The following NMNAT1 variants were observed in gnomAD, a reference collection of about 807,000 sequenced individuals.
The protein encoded by NMNAT1 is nicotinamide/nicotinic acid mononucleotide adenylyltransferase 1.
A neutral mutation model predicts 16.7 loss-of-function variants in NMNAT1; 11 were observed. The ratio of observed to expected loss-of-function variants is 0.66; its 90% CI spans 0.41 to 1.09. The LOEUF is 1.09. Ranked by LOEUF, NMNAT1 falls within the 50% of genes least tolerant of loss-of-function variation. NMNAT1 has a pLI of 0.00. For missense variants in NMNAT1, 280 were observed against 332.3 expected, an observed-to-expected ratio of 0.84 and a Z score of 1.22; for synonymous variants, 110 against 119.8, an observed-to-expected ratio of 0.92 and a Z score of 0.53.
intron 1 of NMNAT1, among the ~76,000 whole-genome samples, chr1:9,969,453 G>T (rs954930827): frequency 6.6e-6 from 1 of 152,132 alleles, no homozygotes; most frequent in Admixed American, 6.6e-5. Context: ...CAGAAAAAAT[G>T]ATTAGATGCT....
intron 1 of NMNAT1, among the ~76,000 whole-genome samples, chr1:9,963,004 A>C (rs1192456816): frequency 6.7e-6 from 1 of 150,034 alleles, no homozygotes; most frequent in African/African-American, 2.4e-5. Flanking sequence ...TTTAACACCC[A>C]TGTCATATTA....
chr1:9,971,412 C>T (rs1464860948), intron 1 of NMNAT1, among the ~76,000 whole-genome samples: 2 of 152,042 alleles, frequency 1.3e-5, no homozygotes, highest in African/African-American at 2.4e-5. Flanking sequence ...CTCCTGGGTT[C>T]AAGTGATTCT....
At chr1:9,957,971 G>A (rs1641305134) in intron 1 of NMNAT1, among the ~76,000 whole-genome samples, 1 of 152,182 alleles carries the variant, frequency 6.6e-6, no homozygotes, top group African/African-American at 2.4e-5. Context: ...GAATCTGTAA[G>A]TTGAGACATT....
intron 1 of NMNAT1, among the ~76,000 whole-genome samples, chr1:9,960,949 G>A (rs1320135886): frequency 6.6e-6 from 1 of 152,176 alleles, no homozygotes; most frequent in Non-Finnish European, 1.5e-5. Flanking sequence ...CTTCAGGAAA[G>A]GGACAGACCC....
In NMNAT1 at chr1:9,972,024, A is replaced by G. The variant is rs1267241700; in HGVS notation, c.-50A>G. The G allele has an allele frequency of 1.1e-6, 1 of 926,280 alleles. No homozygotes were observed. The highest frequency in any genetic ancestry group is 1.8e-5 in the Admixed American group (1 of 56,656). The allele number at this position is 926,280 out of a possible 1,614,324, so 57.4% of individuals were successfully genotyped here. ...TTTTCTTTTTCCTTTGTAGACAACA[A>G]GGGAGGTGTCACAGTTTTCCATTTA... On this transcript the variant is annotated 5_prime_UTR_variant, in exon 2 of 5. Transcript: ENST00000377205.
chr1:9,996,627 G>A, the NMNAT1 span, among the ~76,000 whole-genome samples: 1 of 152,138 alleles, frequency 6.6e-6, no homozygotes, highest in Non-Finnish European at 1.5e-5. Flanking sequence ...TAGGAGATGG[G>A]GAGGTTTGTG....
chr1:9,968,991 A>G (rs1641628437), intron 1 of NMNAT1, among the ~76,000 whole-genome samples: 1 of 151,978 alleles, frequency 6.6e-6, no homozygotes, highest in Admixed American at 6.6e-5. Context: ...AGGAAGGTTA[A>G]GTTAGGGTTA....
Position 9,976,173 on chromosome 1 carries a change from G to C in NMNAT1, c.299+398G>C, listed in dbSNP as rs921266443. The stretch of plus-strand genomic sequence containing the variant: ...ATGGTGGCGCATGCCTGTAATCCCA[G>C]CTACTTGGGAGGCTGAGGCAGGAGA... On this transcript the variant is annotated intron_variant, in intron 3 of 4. Coordinates refer to ENST00000377205, the MANE Select transcript of NMNAT1 (RefSeq NM_022787.4). Among the ~76,000 whole-genome samples the C allele has an allele frequency of 2.0e-5, 3 of 151,840 alleles. No individual in the cohort carries two copies. In the East Asian group the frequency reaches 5.8e-4, roughly 29 times the overall value.
At chr1:9,952,797 C>T (rs571546522) in intron 1 of NMNAT1, among the ~76,000 whole-genome samples, 1 of 152,216 alleles carries the variant, frequency 6.6e-6, no homozygotes, top group Non-Finnish European at 1.5e-5. Flanking sequence ...CCTTGGCCTC[C>T]CAAAGTGCTG....
At chr1:9,946,497 C>G (rs750928313) in intron 1 of NMNAT1, among the ~76,000 whole-genome samples, 2 of 152,150 alleles carry the variant, frequency 1.3e-5, no homozygotes, top group Non-Finnish European at 2.9e-5. Context: ...GTTGCTCCAA[C>G]TAGGTAGGGA....
chr1:9,976,132 C>A (rs1240256054), intron 3 of NMNAT1, among the ~76,000 whole-genome samples: 1 of 151,838 alleles, frequency 6.6e-6, no homozygotes, highest in Admixed American at 6.6e-5. Context: ...ACTAAAAATA[C>A]AAAAATTAGC....
chr1:9,971,639 T>G (rs1322676893), intron 1 of NMNAT1, among the ~76,000 whole-genome samples: 1 of 151,836 alleles, frequency 6.6e-6, no homozygotes, highest in African/African-American at 2.4e-5. Context: ...ATCCATCTAT[T>G]GGGAATGAGA....
chr1:9,988,128 G>T (rs1642067551), downstream of NMNAT1, among the ~76,000 whole-genome samples: 1 of 151,922 alleles, frequency 6.6e-6, no homozygotes, highest in Non-Finnish European at 1.5e-5. Context: ...TTCCCGAGTA[G>T]CTGGGATTAT....
chr1:9,984,905 A>C lies in NMNAT1; in HGVS notation c.*2204A>C, dbSNP rs1317769705. On this transcript the variant is annotated 3_prime_UTR_variant, in exon 5 of 5. Transcript: ENST00000377205. ...GAGCCATGGGGATGGTTTAGGTTAA[A>C]GAATGCTTTTTTTTGGCCATCATGA... 2 of 152,128 alleles carry C rather than the reference A, an allele frequency of 1.3e-5. No individual in the cohort carries two copies. Among genetic ancestry groups the C allele is most frequent in the Non-Finnish European group, 2.9e-5 (2 of 68,038 alleles). The allele number at this position is 152,128 out of a possible 1,614,324, so 9.4% of individuals were successfully genotyped here.
intron 1 of NMNAT1, chr1:9,947,499 CG>C (rs1641006882): frequency 6.6e-6 from 1 of 152,270 alleles, no homozygotes; most frequent in Non-Finnish European, 1.5e-5. Context: ...GACTAATCTT[CG>C]GTCAAGGGTA....
At chr1:9,976,993 G>C (rs1395724612) in intron 3 of NMNAT1, among the ~76,000 whole-genome samples, 1 of 151,018 alleles carries the variant, frequency 6.6e-6, no homozygotes, top group Admixed American at 6.6e-5. Context: ...TGCAACCTCT[G>C]CCTCCCGGGT....
At chr1:9,978,686 T>C (rs1192227881) in intron 3 of NMNAT1, among the ~76,000 whole-genome samples, 2 of 152,198 alleles carry the variant, frequency 1.3e-5, no homozygotes, top group Non-Finnish European at 2.9e-5. Context: ...AGTAACCTTA[T>C]TGCCCATTAA....
chr1:9,990,643 T>A, the NMNAT1 span, among the ~76,000 whole-genome samples: 1 of 152,150 alleles, frequency 6.6e-6, no homozygotes, highest in South Asian at 2.1e-4. Context: ...ATGGATGGTG[T>A]GGAGTCCACC....
chr1:9,949,256 G>A, intron 1 of NMNAT1, among the ~76,000 whole-genome samples: 1 of 150,288 alleles, frequency 6.7e-6, no homozygotes, highest in African/African-American at 2.4e-5. Context: ...AACAGACCAG[G>A]ACTCTGTCTC....
Sources: allele counts gnomAD v4.1 joint callset (sites outside exome capture counted in the v4.1 genomes callset), GRCh38; gene constraint gnomAD v4.1.1; transcripts MANE v1.5; gene names NCBI Gene and HGNC (gene_info 2026-07-23, HGNC 2026-07-21).